RGS6: variants seen among roughly 807,000 people sequenced by gnomAD.
RGS6 encodes the protein regulator of G-protein signaling 6.
In RGS6, 30 loss-of-function variants were observed where a neutral mutation model predicts 78.5. The ratio of observed to expected loss-of-function variants is 0.38; its 90% CI spans 0.29 to 0.52. RGS6 has a LOEUF of 0.52. Among genes scored for constraint, RGS6 ranks in the 20% least tolerant of loss-of-function variants. The pLI is 0.85. For missense variants in RGS6, 495 were observed against 609.7 expected (o/e 0.81, Z 1.98); for synonymous variants, 206 against 206.0 (o/e 1.00, Z 0.00).
intron 2 of RGS6, among the ~76,000 whole-genome samples, chr14:72,319,795 A>G (rs2071401193): frequency 6.6e-6 from 1 of 152,234 alleles, no homozygotes; most frequent in South Asian, 2.1e-4. Context: ...ATTAGAAAGA[A>G]AATAGTATAT....
intron 3 of RGS6, among the ~76,000 whole-genome samples, chr14:72,445,775 T>C (rs2095348755): frequency 1.3e-5 from 2 of 152,236 alleles, no homozygotes; most frequent in African/African-American, 2.4e-5. Context: ...GGGTCCCTGC[T>C]CTCTTGGAGC....
intron 2 of RGS6, among the ~76,000 whole-genome samples, chr14:72,005,890 C>G (rs2084461652): frequency 6.6e-6 from 1 of 151,048 alleles, no homozygotes; most frequent in South Asian, 2.1e-4. Flanking sequence ...TTTTCTTAAG[C>G]AAAGTTTGGC....
At chr14:71,984,917 A>G (rs1335438464) in intron 2 of RGS6, among the ~76,000 whole-genome samples, 1 of 152,184 alleles carries the variant, frequency 6.6e-6, no homozygotes, top group Non-Finnish European at 1.5e-5. Flanking sequence ...AAAGTAGAGA[A>G]AAAATCTCAC....
upstream of RGS6, among the ~76,000 whole-genome samples, chr14:71,927,834 A>G (rs1353422554): frequency 6.6e-6 from 1 of 150,496 alleles, no homozygotes; most frequent in African/African-American, 2.5e-5. Context: ...ATTTTTTTGT[A>G]TTTTTAGTAG....
At chr14:71,898,776 G>T in the RGS6 span, among the ~76,000 whole-genome samples, 126,275 of 152,018 alleles carry the variant, frequency 0.83, 52,639 homozygotes, top group African/African-American at 0.85. Flanking sequence ...TTGGTTTTCT[G>T]TTCCTGTGTT....
intron 2 of RGS6, among the ~76,000 whole-genome samples, chr14:71,981,781 A>G (rs2094469643): frequency 1.3e-5 from 2 of 150,114 alleles, no homozygotes; most frequent in South Asian, 4.4e-4. Context: ...CTACAGAGGC[A>G]GGCAGGCCTC....
chr14:72,543,396 G>A (rs1055814821), intron 17 of RGS6, among the ~76,000 whole-genome samples: 2 of 152,106 alleles, frequency 1.3e-5, no homozygotes, highest in Non-Finnish European at 2.9e-5. Flanking sequence ...GCTTCTCCAG[G>A]GCCCCCAATA....
intron 2 of RGS6, among the ~76,000 whole-genome samples, chr14:72,261,446 CTATACTTTTAGT>C: frequency 8.1e-6 from 1 of 122,858 alleles, no homozygotes; most frequent in African/African-American, 2.6e-5. Flanking sequence ...TACGAAATTA[CTATACTTTTAGT>C]AAGTGAGTGA....
chr14:72,521,906 T>G (rs1451015811), intron 15 of RGS6, among the ~76,000 whole-genome samples: 1 of 152,232 alleles, frequency 6.6e-6, no homozygotes, highest in Admixed American at 6.5e-5. Flanking sequence ...CATCTTATTT[T>G]TCTAATGTCA....
At chr14:71,911,764 T>C in the RGS6 span, among the ~76,000 whole-genome samples, 5 of 152,224 alleles carry the variant, frequency 3.3e-5, no homozygotes, top group Non-Finnish European at 7.3e-5. Flanking sequence ...GCCTGCTGGC[T>C]GGCCATCCCA....
At chr14:71,956,355 G>GTATA (rs34565698) in intron 1 of RGS6, among the ~76,000 whole-genome samples, 10,680 of 126,594 alleles carry the variant, frequency 0.084, 475 homozygotes, top group East Asian at 0.24. Context: ...GTGTGTGTGT[G>GTATA]TGTATATTCT....
intron 2 of RGS6, among the ~76,000 whole-genome samples, chr14:72,068,496 C>CTTT (rs1567139516): frequency 1.1e-5 from 1 of 91,334 alleles, no homozygotes; most frequent in Non-Finnish European, 2.1e-5. Flanking sequence ...CCCACTCTTC[C>CTTT]TATTTTTTTT....
At chr14:72,072,319 T>G (rs911751548) in intron 2 of RGS6, among the ~76,000 whole-genome samples, 2 of 151,892 alleles carry the variant, frequency 1.3e-5, no homozygotes, top group Non-Finnish European at 2.9e-5. Flanking sequence ...GTTTGTTTTT[T>G]TTTTTTTTGA....
chr14:72,396,240 T>G (rs908410620), intron 3 of RGS6, among the ~76,000 whole-genome samples: 2 of 152,222 alleles, frequency 1.3e-5, no homozygotes, highest in African/African-American at 4.8e-5. Flanking sequence ...TGGTGTGAGA[T>G]GGATGGTATC....
intron 3 of RGS6, among the ~76,000 whole-genome samples, chr14:72,436,037 T>C (rs1843386407): frequency 1.3e-5 from 2 of 152,134 alleles, no homozygotes; most frequent in Admixed American, 1.3e-4. Flanking sequence ...GGGAGGTGTC[T>C]CAACTGGGAA....
chr14:72,557,975 CT>C (rs893970907), intron 17 of RGS6, among the ~76,000 whole-genome samples: 3 of 151,778 alleles, frequency 2.0e-5, no homozygotes, highest in African/African-American at 7.3e-5. Flanking sequence ...ATAGCTGGGA[CT>C]TTTTTTTGTC....
chr14:72,505,868 A>G (rs889364627), intron 13 of RGS6, among the ~76,000 whole-genome samples: 1 of 152,220 alleles, frequency 6.6e-6, no homozygotes, highest in African/African-American at 2.4e-5. Context: ...ATTGATATAG[A>G]CAATTGCTTC....
At chr14:72,434,256 G>C (rs536227579) in intron 3 of RGS6, among the ~76,000 whole-genome samples, 4 of 152,312 alleles carry the variant, frequency 2.6e-5, no homozygotes, top group Admixed American at 1.3e-4. Context: ...AGGATCGCTT[G>C]ACACCAGGAA....
chr14:72,545,618 C>G (rs1364713230), intron 17 of RGS6, among the ~76,000 whole-genome samples: 1 of 152,104 alleles, frequency 6.6e-6, no homozygotes, highest in Non-Finnish European at 1.5e-5. Flanking sequence ...GTCTTCTTGC[C>G]CAGTTAGTTA....
Sources: allele counts gnomAD v4.1 joint callset (sites outside exome capture counted in the v4.1 genomes callset), GRCh38; gene constraint gnomAD v4.1.1; transcripts MANE v1.5; gene names NCBI Gene and HGNC (gene_info 2026-07-23, HGNC 2026-07-21).